Variants in WASHC4 observed in about 807,000 individuals in gnomAD.
The protein encoded by WASHC4 is WASH complex subunit 7.
In WASHC4, 86 loss-of-function variants were observed where a neutral mutation model predicts 166.6. The ratio of observed to expected loss-of-function variants is 0.52; its 90% CI spans 0.43 to 0.62. The LOEUF is 0.62. Ranked by LOEUF, WASHC4 falls within the 20% of genes least tolerant of loss-of-function variation. The pLI, the probability that WASHC4 is intolerant of heterozygous loss-of-function variation, is 0.00. For missense variants in WASHC4, 1,262 were observed against 1,382.4 expected (o/e 0.91, Z 1.38); for synonymous variants, 446 against 451.6 (o/e 0.99, Z 0.16).
intron 8 of WASHC4, 53 bp downstream of exon 8, chr12:105,120,650 T>A (rs1429131090): frequency 4.7e-6 from 6 of 1,280,844 alleles, no homozygotes; most frequent in Non-Finnish European, 6.8e-6. Flanking sequence ...TATATTTTAC[T>A]TTGGAGTTTG....
intron 5 of WASHC4, 48 bp downstream of exon 5, chr12:105,115,277 A>G (rs1341674375): frequency 8.8e-7 from 1 of 1,131,784 alleles, no homozygotes; most frequent in Admixed American, 1.7e-5. Context: ...ATTGAAATGA[A>G]CAAAAAGTTA....
chr12:105,167,221 A>G lies in WASHC4; in HGVS notation c.*290A>G, dbSNP rs576471871. Reference sequence around the variant, plus strand: ...AAGGGCAAATCCAGATTCATAAACTATCACCTCGGATTTCTTGTAATCTAC... The same window carrying G: ...AAGGGCAAATCCAGATTCATAAACTGTCACCTCGGATTTCTTGTAATCTAC... On this transcript the variant is annotated 3_prime_UTR_variant, in exon 33 of 33. Coordinates refer to ENST00000332180, the MANE Select transcript of WASHC4 (RefSeq NM_015275.3). The G allele has an allele frequency of 2.9e-5, 11 of 373,634 alleles. No homozygotes were observed. Among genetic ancestry groups the G allele is most frequent in the African/African-American group, 1.8e-4 (9 of 48,726 alleles). 23.1% of individuals were successfully genotyped at this position (373,634 alleles called of 1,614,324 possible). A position where few individuals can be genotyped will look rare whatever the true frequency, so the allele number is the denominator to read the frequency against.
chr12:105,110,608 AATAAT>A (rs1174176828), intron 1 of WASHC4, among the ~76,000 whole-genome samples: 1 of 152,220 alleles, frequency 6.6e-6, no homozygotes, highest in Non-Finnish European at 1.5e-5. Flanking sequence ...ACATTATAGA[AATAAT>A]ATGCTCAAGC....
intron 1 of WASHC4, among the ~76,000 whole-genome samples, chr12:105,108,769 G>A (rs942762271): frequency 6.6e-6 from 1 of 152,046 alleles, no homozygotes; most frequent in African/African-American, 2.4e-5. Context: ...TTTCCCAAAA[G>A]GTGGAACGTT....
intron 15 of WASHC4, among the ~76,000 whole-genome samples, chr12:105,139,906 C>T (rs186586947): frequency 4.8e-5 from 7 of 146,938 alleles, no homozygotes; most frequent in East Asian, 2.0e-4. Context: ...TTTTTTGAGA[C>T]GGAGTCTTGC....
chr12:105,113,606 G>A (rs1470100390), intron 2 of WASHC4, among the ~76,000 whole-genome samples: 1 of 151,828 alleles, frequency 6.6e-6, no homozygotes, highest in Non-Finnish European at 1.5e-5. Context: ...AATGAGAAAG[G>A]GTATATAATA....
rs79254491 is a variant in WASHC4, at chr12:105,117,190, T to A, written c.436-1256T>A. Among the ~76,000 whole-genome samples, 435 of 152,344 alleles carry A rather than the reference T, an allele frequency of 2.9e-3. 17 individuals are homozygous for A. The East Asian group carries it at 0.072, about 25-fold the overall frequency. On this transcript the variant is annotated intron_variant, in intron 6 of 32. Transcript: ENST00000332180. ...ATTTTACATGCATAGCAATTTACTG[T>A]ACTGATGCTAATCAAGTCTGTTTTG...
rs1882770500 is a variant in WASHC4, at chr12:105,140,763, G to C, written c.1561-136G>C. ...CATATTACAGAAGTAAAGTATAAATGTCAGAAGCTTAAATGGGGAAAGTAT... is the reference window on the plus strand; with the variant it reads ...CATATTACAGAAGTAAAGTATAAATCTCAGAAGCTTAAATGGGGAAAGTAT... On this transcript the variant is annotated intron_variant, in intron 16 of 32. Transcript: ENST00000332180. The C allele has an allele frequency of 7.0e-6, 6 of 856,602 alleles. No individual in the cohort carries two copies. The South Asian group carries it at 9.1e-5, about 13-fold the overall frequency. 53.1% of individuals were successfully genotyped at this position (856,602 alleles called of 1,614,324 possible).
In WASHC4 at chr12:105,125,737, G is replaced by A. The variant is rs187424431; in HGVS notation, c.787-267G>A. ...TATCTTTTATACATCTCTGAACATC[G>A]TGTGTATCTCTTTATACAGGATTAT... On this transcript the variant is annotated intron_variant, in intron 10 of 32. Coordinates refer to ENST00000332180, the MANE Select transcript of WASHC4 (RefSeq NM_015275.3). Among the ~76,000 whole-genome samples the A allele has an allele frequency of 5.9e-5, 9 of 152,010 alleles. No individual in the cohort carries two copies. In the East Asian group the frequency reaches 9.6e-4, roughly 16 times the overall value.
At chr12:105,144,669 TCTTTTC>T in intron 21 of WASHC4, 43 bp from the exon 22 acceptor site, 2 of 1,536,192 alleles carry the variant, frequency 1.3e-6, no homozygotes, top group Non-Finnish European at 1.8e-6. Flanking sequence ...AGGTTTCATT[TCTTTTC>T]CTTTTCTACT....
rs180785591 is a variant in WASHC4, at chr12:105,137,984, A to T, written c.1425A>T (p.Ala475=). The change falls in exon 15 of 33, where the codon GCA becomes GCT. Residue 475 remains alanine, a synonymous_variant. Coordinates refer to ENST00000332180, the MANE Select transcript of WASHC4 (RefSeq NM_015275.3). ...CAATGACCAAAACCTCAGTTAAGGC[A>T]TTGTGCAGGCTTGTTGAACTTCTCA... is the stretch of plus-strand genomic sequence containing the variant. ...QKPMTKTSVK[A]LCRLVELLKA... The T allele has an allele frequency of 4.3e-6, 7 of 1,613,168 alleles. No individual in the cohort carries two copies. The Admixed American group carries it at 1.2e-4, about 27-fold the overall frequency.
In WASHC4 at chr12:105,149,176, A is replaced by G. The variant is rs1173486492; in HGVS notation, c.2515-439A>G. On this transcript the variant is annotated intron_variant, in intron 24 of 32. Transcript: ENST00000332180. ...ATGGATAGATAATTGAATATGTGGT[A>G]TCTTCAGGAAGGTTCAGAGAACACC... 5 of 985,262 alleles carry G rather than the reference A, an allele frequency of 5.1e-6. No individual in the cohort carries two copies. The African/African-American group carries it at 7.0e-5, about 14-fold the overall frequency. The allele number at this position is 985,262 out of a possible 1,614,324, so 61.0% of individuals were successfully genotyped here. A position where few individuals can be genotyped will look rare whatever the true frequency, so the allele number is the denominator to read the frequency against.
intron 8 of WASHC4, among the ~76,000 whole-genome samples, chr12:105,120,889 T>C (rs1054682253): frequency 3.3e-5 from 5 of 152,234 alleles, no homozygotes; most frequent in African/African-American, 1.2e-4. Flanking sequence ...AGGATGAAAT[T>C]TTGTTCATCT....
At position 105,146,533 on chromosome 12, in the gene WASHC4, A is replaced by G; in HGVS notation, c.2409+7A>G. 2 of 1,548,678 alleles carry G rather than the reference A, an allele frequency of 1.3e-6. No individual in the cohort carries two copies. The highest frequency in any genetic ancestry group is 1.8e-6 in the Non-Finnish European group (2 of 1,128,380). On this transcript the variant is annotated splice_region_variant and intron_variant, in intron 23 of 32. Transcript: ENST00000332180. Reference sequence around the variant, plus strand: ...CTATAATCTCAACAATCAGGTGAGTAGGGTTTATAAATTTTTTTTTTTTAA... The same window carrying G: ...CTATAATCTCAACAATCAGGTGAGTGGGGTTTATAAATTTTTTTTTTTTAA...
intron 6 of WASHC4, among the ~76,000 whole-genome samples, chr12:105,116,844 T>C (rs1880231141): frequency 6.6e-6 from 1 of 152,174 alleles, no homozygotes; most frequent in Admixed American, 6.5e-5. Flanking sequence ...ATACCTCCTT[T>C]ACATCCAGAG....
intron 6 of WASHC4, among the ~76,000 whole-genome samples, chr12:105,116,361 C>G (rs527855893): frequency 6.6e-6 from 1 of 152,120 alleles, no homozygotes; most frequent in Non-Finnish European, 1.5e-5. Context: ...ACATACTGTT[C>G]AAATCTTTTA....
At position 105,164,261 on chromosome 12, in the gene WASHC4, T is replaced by C. The variant is rs372691974; in HGVS notation, c.3308T>C (p.Leu1103Ser). 1 of 1,613,998 alleles carries C rather than the reference T, an allele frequency of 6.2e-7. No homozygotes were observed. The highest frequency in any genetic ancestry group is 8.5e-7 in the Non-Finnish European group (1 of 1,179,904). The change falls in exon 31 of 33, where the codon TTA (leucine) becomes TCA (serine). Residue 1103 changes from leucine to serine, a missense_variant. Transcript: ENST00000332180. ...TCAGCCAGTCAAGATGAAAAACTCT[T>C]ACAAACCATGAATCTCACTCAGAAG... ...VQSASQDEKLLQTMNLTQKRL... is the reference protein window; with the variant it reads ...VQSASQDEKLSQTMNLTQKRL...
chr12:105,112,937 C>T (rs1026146948), intron 2 of WASHC4, among the ~76,000 whole-genome samples: 4 of 152,116 alleles, frequency 2.6e-5, no homozygotes, highest in African/African-American at 9.7e-5. Flanking sequence ...ACTCCAGAGC[C>T]TGTGCCCTTA....
In WASHC4 at chr12:105,133,901, T is replaced by C; in HGVS notation, c.1326+5T>C. On this transcript the variant is annotated splice_donor_5th_base_variant and intron_variant, in intron 14 of 32. Coordinates refer to ENST00000332180, the MANE Select transcript of WASHC4 (RefSeq NM_015275.3). ...AGATGTAATGTTTTTATACAGGTAG[T>C]TGCATCTTATTTCGGGGAATCATTT... The C allele has an allele frequency of 6.2e-7, 1 of 1,605,186 alleles. No individual in the cohort carries two copies. The highest frequency in any genetic ancestry group is 8.5e-7 in the Non-Finnish European group (1 of 1,173,614).
Sources: allele counts gnomAD v4.1 joint callset (sites outside exome capture counted in the v4.1 genomes callset), GRCh38; gene constraint gnomAD v4.1.1; transcripts MANE v1.5; gene names NCBI Gene and HGNC (gene_info 2026-07-23, HGNC 2026-07-21).